MYOM2: variants seen among roughly 807,000 people sequenced by gnomAD.
The protein encoded by MYOM2 is myomesin-2.
In MYOM2, 254 loss-of-function variants were observed where a neutral mutation model predicts 187.6. The observed-to-expected ratio is 1.35, with a 90% CI of 1.22 to 1.50. MYOM2 has a LOEUF of 1.50. Ranked by LOEUF, MYOM2 falls within the 40% of genes most tolerant of loss-of-function variation. MYOM2 has a pLI of 0.00. For synonymous variants in MYOM2, 981 were observed against 753.8 expected, an observed-to-expected ratio of 1.30 and a Z score of -4.94; for missense variants, 2,796 against 1,924.0, an observed-to-expected ratio of 1.45 and a Z score of -8.48.
chr8:2,142,762 C>CTTTTTTTTTT (rs776743885), intron 35 of MYOM2, among the ~76,000 whole-genome samples: 2 of 112,868 alleles, frequency 1.8e-5, no homozygotes, highest in African/African-American at 6.4e-5. Flanking sequence ...TCCCTTTATT[C>CTTTTTTTTTT]TTTTTTTTTT....
At position 2,116,952 on chromosome 8, in the gene MYOM2, ACG is replaced by A. The variant is rs1797267886; in HGVS notation, c.3385+678_3385+679del. ...TTTTCTGTATTTTTAGTAGAGACGG[ACG>A]GGGTTTCACCGTGTTAACCAGGATG... On this transcript the variant is annotated intron_variant, in intron 27 of 36. Coordinates refer to ENST00000262113, the MANE Select transcript of MYOM2 (RefSeq NM_003970.4). Among the ~76,000 whole-genome samples the A allele has an allele frequency of 1.1e-4, 14 of 130,152 alleles. 1 individual carries two copies. The highest frequency in any genetic ancestry group is 9.6e-4 in the South Asian group (4 of 4,180). The allele number at this position is 130,152 out of a possible 152,430, so 85.4% of individuals were successfully genotyped here.
Position 2,096,256 on chromosome 8 carries a change from C to G in MYOM2, c.2135C>G (p.Ser712Cys). 6.2e-7 allele frequency: 1 copy of G among 1,613,970 alleles called. No individual in the cohort carries two copies. Among genetic ancestry groups the G allele is most frequent in the Non-Finnish European group, 8.5e-7 (1 of 1,179,964 alleles). ...IKVQAALTVP[S>C]HPYGITLLNC... ...TTGTGCTTCCTTGCAGCCGTCCCGT[C>G]CCATCCTTATGGGATTACGCTCCTC... is the stretch of plus-strand genomic sequence containing the variant. The change falls in exon 18 of 37, where the codon TCC becomes TGC. Residue 712 changes from serine (S) to cysteine (C), a missense_variant. Transcript: ENST00000262113.
chr8:2,137,579 T>C (rs1004930347), intron 32 of MYOM2, among the ~76,000 whole-genome samples: 2 of 152,002 alleles, frequency 1.3e-5, no homozygotes, highest in African/African-American at 4.8e-5. Flanking sequence ...TGTGTGTGTG[T>C]GTGCATTTGT....
chr8:2,142,343 A>C, intron 34 of MYOM2, 32 bp from the exon 35 acceptor site: 1 of 1,609,466 alleles, frequency 6.2e-7, no homozygotes, highest in Non-Finnish European at 8.5e-7. Flanking sequence ...CTCTCTTTTC[A>C]TTCTCTCCTT....
At chr8:2,047,470 G>A (rs992315341) in intron 1 of MYOM2, among the ~76,000 whole-genome samples, 8 of 152,240 alleles carry the variant, frequency 5.3e-5, no homozygotes, top group Non-Finnish European at 8.8e-5. Flanking sequence ...GGCACTGGGA[G>A]TCAAATGCGC....
intron 28 of MYOM2, among the ~76,000 whole-genome samples, chr8:2,120,662 A>ATATATATAT (rs1797398745): frequency 0.018 from 240 of 13,656 alleles, 7 homozygotes; most frequent in Non-Finnish European, 0.026. Flanking sequence ...TTTCCTGTAT[A>ATATATATAT]TATATATATA....
chr8:2,082,771 T>C lies in MYOM2; in HGVS notation c.1517-2492T>C, dbSNP rs1225820133. Among the ~76,000 whole-genome samples the C allele has an allele frequency of 1.1e-4, 17 of 152,382 alleles. No homozygotes were observed. The East Asian group carries it at 3.1e-3, about 28-fold the overall frequency. ...TATGCAAGCATTGGCTGTGCTTTCC[T>C]GGGCCGGGGCATTTGCAGCCCACAT... is the stretch of plus-strand genomic sequence containing the variant. On this transcript the variant is annotated intron_variant, in intron 13 of 36. Coordinates refer to ENST00000262113, the MANE Select transcript of MYOM2 (RefSeq NM_003970.4).
intron 14 of MYOM2, among the ~76,000 whole-genome samples, chr8:2,086,867 G>A (rs778739769): frequency 5.4e-4 from 83 of 152,352 alleles, no homozygotes; most frequent in Non-Finnish European, 9.1e-4. Context: ...TGGCCACTGG[G>A]TGGCAATCGT....
rs906782846 is a variant in MYOM2 at position 2,145,263 on chromosome 8, C to T, written c.*282C>T. 11 of 536,144 alleles carry T rather than the reference C, an allele frequency of 2.1e-5. No homozygotes were observed. Among genetic ancestry groups the T allele is most frequent in the Non-Finnish European group, 2.9e-5 (9 of 305,550 alleles). 33.2% of individuals were successfully genotyped at this position (536,144 alleles called of 1,614,324 possible). Reference sequence around the variant, plus strand: ...TTGGCAGACAACACACTAGAATTTTCACGGGTGTGGGCACATGGGTGTGGC... The same window carrying T: ...TTGGCAGACAACACACTAGAATTTTTACGGGTGTGGGCACATGGGTGTGGC... On this transcript the variant is annotated 3_prime_UTR_variant, in exon 37 of 37. Coordinates refer to ENST00000262113, the MANE Select transcript of MYOM2 (RefSeq NM_003970.4).
At chr8:2,136,646 T>G (rs1031420419) in intron 32 of MYOM2, among the ~76,000 whole-genome samples, 1 of 150,640 alleles carries the variant, frequency 6.6e-6, no homozygotes, top group Non-Finnish European at 1.5e-5. Context: ...GGCCCTTATC[T>G]CCACTGCTGC....
At chr8:2,092,076 A>G (rs532393118) in intron 15 of MYOM2, among the ~76,000 whole-genome samples, 1 of 40,622 alleles carries the variant, frequency 2.5e-5, no homozygotes, top group East Asian at 1.7e-3. Flanking sequence ...AACAGCTCTG[A>G]TGGGAGACAG....
intron 1 of MYOM2, among the ~76,000 whole-genome samples, chr8:2,046,863 T>C (rs1048802237): frequency 1.3e-4 from 20 of 151,986 alleles, no homozygotes; most frequent in Admixed American, 1.2e-3. Context: ...ATTGGGGAGC[T>C]GATCGGCCCA....
chr8:2,113,505 G>A (rs1309293450), intron 25 of MYOM2, among the ~76,000 whole-genome samples: 2 of 152,168 alleles, frequency 1.3e-5, no homozygotes, highest in African/African-American at 4.8e-5. Context: ...GCTGCACCAA[G>A]GCAGGGAGGT....
intron 31 of MYOM2, among the ~76,000 whole-genome samples, chr8:2,128,691 C>G (rs768788402): frequency 6.6e-6 from 1 of 152,176 alleles, no homozygotes. Context: ...GAAGAACCAG[C>G]CGAGGTGCTC....
chr8:2,077,405 A>G (rs1364646737), intron 11 of MYOM2, among the ~76,000 whole-genome samples: 1 of 152,226 alleles, frequency 6.6e-6, no homozygotes, highest in African/African-American at 2.4e-5. Flanking sequence ...ATGTATATTA[A>G]ACAGAAAAAT....
At chr8:2,090,617 C>T (rs1796266468) in intron 15 of MYOM2, among the ~76,000 whole-genome samples, 1 of 152,164 alleles carries the variant, frequency 6.6e-6, no homozygotes. Context: ...TCCTCTCCCT[C>T]CTCCCACCCT....
chr8:2,114,619 G>T (rs1808854), intron 25 of MYOM2, among the ~76,000 whole-genome samples: 1 of 151,854 alleles, frequency 6.6e-6, no homozygotes, highest in South Asian at 2.1e-4. Context: ...ACAGGCGTGC[G>T]CCACCACACC....
intron 25 of MYOM2, among the ~76,000 whole-genome samples, chr8:2,110,762 G>A (rs1412846572): frequency 1.3e-5 from 2 of 152,202 alleles, no homozygotes; most frequent in Non-Finnish European, 2.9e-5. Context: ...TTCTAAGCTG[G>A]ACCCCTCATT....
Position 2,101,330 on chromosome 8 carries a change from T to C in MYOM2, c.2619+276T>C, listed in dbSNP as rs1796702483. ...ACTGAGTCACCGCACTCCAGCCTGG[T>C]TGACAGAGCGAGACTCTGTCTCAAA... On this transcript the variant is annotated intron_variant, in intron 20 of 36. Transcript: ENST00000262113. Among the ~76,000 whole-genome samples the C allele has an allele frequency of 2.0e-5, 3 of 152,312 alleles. 1 individual carries two copies. In the South Asian group the frequency reaches 6.2e-4, roughly 32 times the overall value.
Sources: gnomAD v4.1 joint callset for allele counts (sites outside exome capture counted in the v4.1 genomes callset) on GRCh38, gnomAD v4.1.1 for gene constraint, MANE v1.5 for transcripts, NCBI Gene and HGNC (gene_info 2026-07-23, HGNC 2026-07-21) for gene names.